The following MKNK1 variants were observed in gnomAD, a reference collection of about 807,000 sequenced individuals.
MKNK1 encodes MAPK interacting serine/threonine kinase 1.
A neutral mutation model predicts 49.3 loss-of-function variants in MKNK1; 30 were observed. The observed-to-expected ratio is 0.61, with a 90% CI of 0.46 to 0.83. The LOEUF (loss-of-function observed/expected upper bound fraction) is 0.83, where lower values mean the gene tolerates loss of function less well. MKNK1 is among the 40% of genes least tolerant of loss of function. The pLI is 0.00. For synonymous variants in MKNK1, 176 were observed against 201.7 expected (o/e 0.87, Z 1.08); for missense variants, 423 against 524.7 (o/e 0.81, Z 1.89).
intron 2 of MKNK1, among the ~76,000 whole-genome samples, chr1:46,583,717 C>T (rs1271990275): frequency 2.0e-5 from 3 of 152,056 alleles, no homozygotes; most frequent in Admixed American, 6.6e-5. Flanking sequence ...AAGGCAAAAC[C>T]GAGAGAGCTA....
At chr1:46,598,570 C>T (rs1042718293) in intron 1 of MKNK1, among the ~76,000 whole-genome samples, 3 of 152,164 alleles carry the variant, frequency 2.0e-5, no homozygotes, top group African/African-American at 7.2e-5. Context: ...ACTATTAAAG[C>T]TCACATTCAT....
At chr1:46,575,488 G>C (rs1273035686) in intron 5 of MKNK1, 1 of 157,134 alleles carries the variant, frequency 6.4e-6, no homozygotes, top group Admixed American at 6.2e-5. Context: ...CTGTCAAATG[G>C]ACTTGGGGCC....
At position 46,565,064 on chromosome 1, in the gene MKNK1, T is replaced by A. The variant is rs1363972907; in HGVS notation, c.586A>T (p.Thr196Ser). The A allele has an allele frequency of 6.2e-7, 1 of 1,613,850 alleles. No individual in the cohort carries two copies. The highest frequency in any genetic ancestry group is 2.2e-5 in the East Asian group (1 of 44,892). ...ACTGGGGTGGTCAGCTCTGGTGTGG[T>A]TATGGGGGTACAGGAGTTGTTCAGT... ...MKLNNSCTPITTPELTTPCGS... is the reference protein window; with the variant it reads ...MKLNNSCTPISTPELTTPCGS... The change falls in exon 9 of 13, where the codon ACC (threonine) becomes TCC (serine). Residue 196 changes from threonine (T) to serine (S), a missense_variant. By Grantham distance (58) the Thr-to-Ser change is moderately conservative. Coordinates refer to ENST00000371945, the MANE Select transcript of MKNK1 (RefSeq NM_001135553.4).
chr1:46,586,137 C>T (rs1672533635), intron 2 of MKNK1: 1 of 361,266 alleles, frequency 2.8e-6, no homozygotes, highest in Non-Finnish European at 5.5e-6. Flanking sequence ...AGTCCACTAG[C>T]AGGTCTGTGG....
In MKNK1 at chr1:46,589,310, T is replaced by G. The variant is rs1673034004; in HGVS notation, c.-3+4803A>C. On this transcript the variant is annotated intron_variant, in intron 2 of 12. Transcript: ENST00000371945. The surrounding 1 kb of genome is among the most constrained non-coding windows in gnomAD (Gnocchi z 4.3). The stretch of plus-strand genomic sequence containing the variant: ...TAAGCCTCAATACCTGAGGGATGAG[T>G]GGGACAGGGCTGAGGCCTGGAAGAG... Among the ~76,000 whole-genome samples the G allele has an allele frequency of 6.6e-6, 1 of 151,548 alleles. No homozygotes were observed. Among genetic ancestry groups the G allele is most frequent in the Non-Finnish European group, 1.5e-5 (1 of 67,912 alleles).
At chr1:46,602,318 A>G (rs1057045278) in intron 1 of MKNK1, among the ~76,000 whole-genome samples, 2 of 152,206 alleles carry the variant, frequency 1.3e-5, no homozygotes, top group Admixed American at 6.5e-5. Flanking sequence ...AGGCTGAGGC[A>G]GGAGAATCAC....
At chr1:46,586,290 C>A (rs1230793213) in intron 2 of MKNK1, 1 of 277,802 alleles carries the variant, frequency 3.6e-6, no homozygotes, top group African/African-American at 2.2e-5. Context: ...TCGATAGTCC[C>A]AACCCTTTTG....
intron 2 of MKNK1, among the ~76,000 whole-genome samples, chr1:46,585,249 C>CAAAAAAAAAA (rs58692301): frequency 1.6e-5 from 1 of 62,134 alleles, no homozygotes; most frequent in Non-Finnish European, 3.0e-5. Flanking sequence ...GATTCCGTCT[C>CAAAAAAAAAA]AAAAAAAAAA....
rs1339776348 is a variant in MKNK1 at position 46,602,496 on chromosome 1, G to A, written c.-171+1689C>T. 2.6e-5 allele frequency among the ~76,000 whole-genome samples: 4 copies of A among 152,230 alleles called. No individual in the cohort carries two copies. The East Asian group carries it at 7.7e-4, about 29-fold the overall frequency. ...TTGGGAAAACCAAGGGAAACAGGGA[G>A]GGGAGAGGTGTGGGAACAAATTGTG... On this transcript the variant is annotated intron_variant, in intron 1 of 12. Coordinates refer to ENST00000371945, the MANE Select transcript of MKNK1 (RefSeq NM_001135553.4).
At position 46,561,597 on chromosome 1, in the gene MKNK1, C is replaced by G; in HGVS notation, c.850G>C (p.Asp284His). Residue 284 changes from aspartate (D) to histidine (H), a missense_variant, in exon 11 of 13, where the codon GAC becomes CAC. Physicochemically the swap from Asp to His is moderately conservative, Grantham distance 81. Transcript: ENST00000371945. ...CTGGAGATGTGTGCCCAGTCCTTGT[C>G]AGGAAACTCATACTTGCCTTCCTGG... ...SIQEGKYEFP[D>H]KDWAHISSEA... 6.2e-7 allele frequency: 1 copy of G among 1,614,180 alleles called. No homozygotes were observed. The highest frequency in any genetic ancestry group is 8.5e-7 in the Non-Finnish European group (1 of 1,180,006).
rs114416381 is a variant in MKNK1, at chr1:46,580,249, G to C, written c.198+281C>G. ...ATAATGAGAAACTTACTATGAGCCA[G>C]GCATTGTGCTAAGCACTTTACCTAT... On this transcript the variant is annotated intron_variant, in intron 4 of 12. Transcript: ENST00000371945. Among the ~76,000 whole-genome samples, 561 of 152,292 alleles carry C rather than the reference G, an allele frequency of 3.7e-3. 2 individuals are homozygous for C. The highest frequency in any genetic ancestry group is 0.013 in the African/African-American group (524 of 41,568).
At chr1:46,580,497 A>G (rs1314180835) in intron 4 of MKNK1, 33 bp downstream of exon 4, 1 of 1,445,090 alleles carries the variant, frequency 6.9e-7, no homozygotes, top group East Asian at 2.3e-5. Context: ...ACTATTTGCA[A>G]AGTAAAGCCT....
At chr1:46,588,052 T>C (rs530164657) in intron 2 of MKNK1, among the ~76,000 whole-genome samples, 2 of 152,344 alleles carry the variant, frequency 1.3e-5, no homozygotes, top group Admixed American at 1.3e-4. Flanking sequence ...ATTTTTGCCA[T>C]ATTTCAGGTA....
At chr1:46,561,247 G>A (rs1285003828) in intron 11 of MKNK1, among the ~76,000 whole-genome samples, 1 of 152,250 alleles carries the variant, frequency 6.6e-6, no homozygotes, top group Non-Finnish European at 1.5e-5. Flanking sequence ...AGAGGACTCT[G>A]TTGGGGCTTA....
At chr1:46,581,424 C>T (rs939058150) in intron 3 of MKNK1, among the ~76,000 whole-genome samples, 4 of 145,888 alleles carry the variant, frequency 2.7e-5, no homozygotes, top group African/African-American at 7.6e-5. Flanking sequence ...GCAGGAGAAT[C>T]GCTTGAACCC....
intron 1 of MKNK1, among the ~76,000 whole-genome samples, chr1:46,597,693 G>A (rs375239913): frequency 1.3e-5 from 2 of 152,198 alleles, no homozygotes; most frequent in African/African-American, 4.8e-5. Context: ...CTGTTAGCCA[G>A]GGACAGGGTA....
intron 2 of MKNK1, among the ~76,000 whole-genome samples, chr1:46,590,898 G>A (rs367821687): frequency 3.9e-5 from 6 of 152,214 alleles, no homozygotes; most frequent in East Asian, 3.8e-4. Flanking sequence ...CATTATCATC[G>A]TCCTATTAAT....
intron 6 of MKNK1, 117 bp downstream of exon 6, chr1:46,574,830 A>T: frequency 1.5e-6 from 1 of 678,384 alleles, no homozygotes; most frequent in Non-Finnish European, 2.5e-6. Context: ...GGCAGTTTTT[A>T]AGTCCTTCAT....
At chr1:46,559,219 C>T (rs577992080) in intron 12 of MKNK1, among the ~76,000 whole-genome samples, 35 of 152,356 alleles carry the variant, frequency 2.3e-4, no homozygotes, top group Admixed American at 1.6e-3. Flanking sequence ...TCAGGGCTAG[C>T]GTGGACAGGC....
Sources: gnomAD v4.1 joint callset for allele counts (sites outside exome capture counted in the v4.1 genomes callset) on GRCh38, gnomAD v4.1.1 for gene constraint, Gnocchi (gnomAD v3.1) non-coding constraint, MANE v1.5 for transcripts, NCBI Gene and HGNC (gene_info 2026-07-23, HGNC 2026-07-21) for gene names.